Variants in RABGAP1L observed in about 807,000 individuals in gnomAD.
RABGAP1L encodes the protein rab GTPase-activating protein 1-like.
RABGAP1L carries 63 observed loss-of-function variants against 137.7 expected under a neutral mutation model. The observed-to-expected ratio is 0.46, with a 90% confidence interval of 0.37 to 0.56. The LOEUF is 0.56. RABGAP1L is among the 20% of genes least tolerant of loss of function. The pLI, the probability that RABGAP1L is intolerant of heterozygous loss-of-function variation, is 0.00. For synonymous variants in RABGAP1L, 431 were observed against 433.7 expected, an observed-to-expected ratio of 0.99 and a Z score of 0.08; for missense variants, 1,095 against 1,244.0, an observed-to-expected ratio of 0.88 and a Z score of 1.80.
chr1:174,514,887 AG>A (rs1184887910), intron 13 of RABGAP1L, among the ~76,000 whole-genome samples: 2 of 152,152 alleles, frequency 1.3e-5, no homozygotes, highest in Non-Finnish European at 2.9e-5. Flanking sequence ...AAAATTATTG[AG>A]GGCCCTGATA....
intron 13 of RABGAP1L, among the ~76,000 whole-genome samples, chr1:174,616,052 C>G (rs1671820528): frequency 6.6e-6 from 1 of 152,242 alleles, no homozygotes; most frequent in Non-Finnish European, 1.5e-5. Flanking sequence ...ATGTCTTGCC[C>G]TGCTTTGGCT....
chr1:174,710,508 G>C (rs1215176880), intron 17 of RABGAP1L, among the ~76,000 whole-genome samples: 2 of 152,208 alleles, frequency 1.3e-5, no homozygotes, highest in Non-Finnish European at 2.9e-5. Flanking sequence ...CTAGAAGAGA[G>C]TGGGGGCCAA....
Position 174,988,778 on chromosome 1 carries a change from G to A in RABGAP1L, c.2943G>A (p.Glu981=), listed in dbSNP as rs1671826052. ...EKDSLKKQLR[E]MELELAQTKL... is the part of the protein sequence containing the mutation. ...ACTCACTTAAGAAGCAGCTGAGAGA[G>A]ATGGAACTGGAACTGGCACAAACCA... Residue 981 remains glutamate (E), a synonymous_variant, in exon 25 of 26, where the codon GAG becomes GAA. Transcript: ENST00000681986. 1.3e-6 allele frequency: 2 copies of A among 1,549,926 alleles called. No homozygotes were observed. Among genetic ancestry groups the A allele is most frequent in the Non-Finnish European group, 1.7e-6 (2 of 1,146,762 alleles).
intron 1 of RABGAP1L, among the ~76,000 whole-genome samples, chr1:174,166,059 C>T (rs1182028584): frequency 6.6e-6 from 1 of 152,094 alleles, no homozygotes; most frequent in East Asian, 1.9e-4. Context: ...TACTTCTTAA[C>T]ATTGAACAGG....
At chr1:174,576,870 T>G (rs1051607604) in intron 13 of RABGAP1L, among the ~76,000 whole-genome samples, 1 of 152,148 alleles carries the variant, frequency 6.6e-6, no homozygotes, top group Non-Finnish European at 1.5e-5. Context: ...GGAGCTATCT[T>G]CAGGAATGAA....
intron 19 of RABGAP1L, among the ~76,000 whole-genome samples, chr1:174,954,765 C>T (rs1396075178): frequency 1.3e-5 from 2 of 152,158 alleles, no homozygotes; most frequent in East Asian, 3.8e-4. Flanking sequence ...GCTCTCTCCT[C>T]ACAATACCTT....
chr1:174,509,556 C>T (rs777283674), intron 13 of RABGAP1L, among the ~76,000 whole-genome samples: 1 of 152,034 alleles, frequency 6.6e-6, no homozygotes, highest in Non-Finnish European at 1.5e-5. Context: ...AGGCATCTTT[C>T]AATGAGTTGT....
intron 1 of RABGAP1L, among the ~76,000 whole-genome samples, chr1:174,183,867 CTT>C (rs772022782): frequency 6.1e-5 from 8 of 130,502 alleles, no homozygotes; most frequent in Admixed American, 8.2e-5. Context: ...TTCAGATTGG[CTT>C]TTTTTTTTTT....
At chr1:174,165,331 G>C (rs766255846) in intron 1 of RABGAP1L, among the ~76,000 whole-genome samples, 1 of 152,034 alleles carries the variant, frequency 6.6e-6, no homozygotes, top group African/African-American at 2.4e-5. Flanking sequence ...TGTATTTTTA[G>C]TACAGACGGG....
chr1:174,463,498 T>C (rs1344572722), intron 13 of RABGAP1L, among the ~76,000 whole-genome samples: 3 of 148,058 alleles, frequency 2.0e-5, no homozygotes, highest in African/African-American at 7.5e-5. Flanking sequence ...AACATCACAC[T>C]CTGGGGACTG....
In RABGAP1L at chr1:174,828,487, G is replaced by A. The variant is rs1389873715; in HGVS notation, c.2340+16527G>A. ...CTAGGTTGCTTTCTGTCTGTGGAGT[G>A]CCTGGAGAAGGCAGAGGCTTTGGGA... On this transcript the variant is annotated intron_variant, in intron 19 of 25. Coordinates refer to ENST00000681986, the MANE Select transcript of RABGAP1L (RefSeq NM_001366446.1). 2.0e-5 allele frequency among the ~76,000 whole-genome samples: 3 copies of A among 147,984 alleles called. 1 individual carries two copies. Among genetic ancestry groups the A allele is most frequent in the Non-Finnish European group, 4.5e-5 (3 of 66,628 alleles).
chr1:174,940,824 A>C (rs1294299181), intron 19 of RABGAP1L, among the ~76,000 whole-genome samples: 1 of 152,228 alleles, frequency 6.6e-6, no homozygotes, highest in African/African-American at 2.4e-5. Flanking sequence ...ATTGCTTCTC[A>C]TATCCAGAAT....
intron 1 of RABGAP1L, among the ~76,000 whole-genome samples, chr1:174,204,810 G>C (rs1165699145): frequency 1.3e-5 from 2 of 152,156 alleles, no homozygotes; most frequent in Non-Finnish European, 2.9e-5. Context: ...GAGATGTGGA[G>C]TGTAGTACTT....
At chr1:174,871,635 A>G (rs915071135) in intron 19 of RABGAP1L, among the ~76,000 whole-genome samples, 3 of 152,232 alleles carry the variant, frequency 2.0e-5, no homozygotes, top group Non-Finnish European at 4.4e-5. Flanking sequence ...GGGCACTTGC[A>G]TGAAATCCTA....
At chr1:174,930,455 C>T (rs1663607088) in intron 19 of RABGAP1L, among the ~76,000 whole-genome samples, 1 of 151,934 alleles carries the variant, frequency 6.6e-6, no homozygotes, top group African/African-American at 2.4e-5. Context: ...GTAGCTGTGC[C>T]TGCAGTCACA....
At position 174,347,969 on chromosome 1, in the gene RABGAP1L, A is replaced by G. The variant is rs894744644; in HGVS notation, c.1466-23010A>G. ...TTTTTTAAATCCATTTAGCCACTCT[A>G]TGTGTTTTTATTGGAGAGTTTAGTC... On this transcript the variant is annotated intron_variant, in intron 11 of 25. Coordinates refer to ENST00000681986, the MANE Select transcript of RABGAP1L (RefSeq NM_001366446.1). Among the ~76,000 whole-genome samples, 13 of 151,994 alleles carry G rather than the reference A, an allele frequency of 8.6e-5. No individual in the cohort carries two copies. The Middle Eastern group carries it at 0.02, about 239-fold the overall frequency.
chr1:174,894,581 C>T (rs962654440), intron 19 of RABGAP1L, among the ~76,000 whole-genome samples: 1 of 152,162 alleles, frequency 6.6e-6, no homozygotes, highest in African/African-American at 2.4e-5. Flanking sequence ...GCTAAGCTTT[C>T]AATTTCATTT....
At chr1:174,923,227 C>T (rs1484235245) in intron 19 of RABGAP1L, among the ~76,000 whole-genome samples, 1 of 151,660 alleles carries the variant, frequency 6.6e-6, no homozygotes, top group African/African-American at 2.4e-5. Context: ...TATAATAGCA[C>T]ATGGGACATA....
intron 3 of RABGAP1L, among the ~76,000 whole-genome samples, chr1:174,228,957 T>C (rs1670408544): frequency 6.6e-6 from 1 of 151,960 alleles, no homozygotes; most frequent in African/African-American, 2.4e-5. Context: ...TACACGGAGA[T>C]GGATGCTCTC....
Sources: allele counts gnomAD v4.1 joint callset (sites outside exome capture counted in the v4.1 genomes callset), GRCh38; gene constraint gnomAD v4.1.1; transcripts MANE v1.5; gene names NCBI Gene and HGNC (gene_info 2026-07-23, HGNC 2026-07-21).